The following CCDC33 variants were observed in gnomAD, a reference collection of about 807,000 sequenced individuals.
The protein encoded by CCDC33 is coiled-coil domain containing 33, also known as coiled-coil domain-containing protein 33.
Under a neutral mutation model 91.9 loss-of-function variants are expected in CCDC33, and 94 were observed. The ratio of observed to expected loss-of-function variants is 1.02; its 90% CI spans 0.87 to 1.21. CCDC33 has a LOEUF of 1.21. Ranked by LOEUF, CCDC33 falls within the 50% of genes most tolerant of loss-of-function variation. The pLI is 0.00. For synonymous variants in CCDC33, 396 were observed against 374.5 expected (o/e 1.06, Z -0.66); for missense variants, 940 against 935.5 (o/e 1.00, Z -0.06).
intron 10 of CCDC33, among the ~76,000 whole-genome samples, chr15:74,286,880 A>C (rs2059485655): frequency 6.6e-6 from 1 of 152,106 alleles, no homozygotes; most frequent in Admixed American, 6.5e-5. Context: ...GGCAGGTGCC[A>C]TGGTCCCATC....
intron 2 of CCDC33, among the ~76,000 whole-genome samples, chr15:74,256,513 C>T (rs2075870089): frequency 6.6e-6 from 1 of 152,100 alleles, no homozygotes; most frequent in South Asian, 2.1e-4. Context: ...TCATCCAGGC[C>T]CACACCTTCC....
intron 1 of CCDC33, chr15:74,208,103 G>A: frequency 8.7e-7 from 1 of 1,154,226 alleles, no homozygotes; most frequent in Non-Finnish European, 1.1e-6. Context: ...CACTGGTGAG[G>A]AGGAGGAGGG....
In CCDC33 at chr15:74,273,108, T is replaced by C. The variant is rs538678359; in HGVS notation, c.759+217T>C. 7.9e-5 allele frequency among the ~76,000 whole-genome samples: 12 copies of C among 152,368 alleles called. No individual in the cohort carries two copies. The South Asian group carries it at 2.1e-3, about 26-fold the overall frequency. Reference sequence around the variant, plus strand: ...ATGGGAGTCACGTGGGTGAAAAAGTTGAACATCAACACAAGATAATGTATA... The same window carrying C: ...ATGGGAGTCACGTGGGTGAAAAAGTCGAACATCAACACAAGATAATGTATA... On this transcript the variant is annotated intron_variant, in intron 7 of 18. Coordinates refer to ENST00000398814, the MANE Select transcript of CCDC33 (RefSeq NM_025055.5).
intron 1 of CCDC33, among the ~76,000 whole-genome samples, chr15:74,241,049 C>T (rs752055949): frequency 6.6e-6 from 1 of 152,206 alleles, no homozygotes; most frequent in South Asian, 2.1e-4. Flanking sequence ...CAGGGAACAG[C>T]ACTCTGGCTG....
intron 8 of CCDC33, among the ~76,000 whole-genome samples, chr15:74,280,335 G>C (rs1361909397): frequency 1.3e-5 from 2 of 152,188 alleles, no homozygotes; most frequent in East Asian, 3.9e-4. Context: ...CATCAGTGAT[G>C]GGGGAGGGCT....
intron 5 of CCDC33, 107 bp from the exon 6 acceptor site, chr15:74,271,596 C>T: frequency 1.3e-6 from 1 of 748,968 alleles, no homozygotes; most frequent in Admixed American, 2.1e-5. Flanking sequence ...TGGAGGCAGC[C>T]ATGAGCTCAC....
chr15:74,281,960 C>A, intron 10 of CCDC33, 111 bp downstream of exon 10: 1 of 888,298 alleles, frequency 1.1e-6, no homozygotes, highest in South Asian at 1.5e-5. Context: ...GATGGGACTA[C>A]TACTTTGGAT....
At chr15:74,217,979 G>A (rs938102649) in intron 1 of CCDC33, among the ~76,000 whole-genome samples, 8 of 151,994 alleles carry the variant, frequency 5.3e-5, no homozygotes, top group African/African-American at 1.7e-4. Flanking sequence ...ATGTTGGGGT[G>A]GACAGAAATG....
At position 74,210,824 on chromosome 15, in the gene CCDC33, G is replaced by A. The variant is rs183548050; in HGVS notation, n.236+1290G>A. ...AAAGAGTGTTGAGCACAATTCCCAG[G>A]TTGTGTTCTCAAAAAGAGAGGTGTT... is the stretch of plus-strand genomic sequence containing the variant. On this transcript the variant is annotated intron_variant and non_coding_transcript_variant, in intron 2 of 3. Coordinates refer to the CCDC33 transcript ENST00000558645. Among the ~76,000 whole-genome samples, 5 of 152,232 alleles carry A rather than the reference G, an allele frequency of 3.3e-5. No individual in the cohort carries two copies. The East Asian group carries it at 7.7e-4, about 23-fold the overall frequency.
At chr15:74,269,784 G>A (rs1348017231) in intron 5 of CCDC33, among the ~76,000 whole-genome samples, 1 of 152,098 alleles carries the variant, frequency 6.6e-6, no homozygotes. Context: ...CCATCCGTGC[G>A]ACAGGTATGG....
In CCDC33 at chr15:74,263,338, A is replaced by G. The variant is rs140505423; in HGVS notation, c.319+765A>G. ...CTGGAGGTGCCTGGCGATGTCTCTG[A>G]TCTTATCTAGTCAGGACCTCAGACT... On this transcript the variant is annotated intron_variant, in intron 3 of 18. Coordinates refer to ENST00000398814, the MANE Select transcript of CCDC33 (RefSeq NM_025055.5). 3.9e-5 allele frequency among the ~76,000 whole-genome samples: 6 copies of G among 152,230 alleles called. No individual in the cohort carries two copies. In the East Asian group the frequency reaches 1.2e-3, roughly 29 times the overall value.
chr15:74,288,157 C>T (rs1226110838), intron 10 of CCDC33, among the ~76,000 whole-genome samples: 7 of 152,200 alleles, frequency 4.6e-5, no homozygotes, highest in Admixed American at 4.6e-4. Context: ...GATGCCCTCT[C>T]CATCCTCTAC....
intron 2 of CCDC33, among the ~76,000 whole-genome samples, chr15:74,254,893 G>A (rs867172412): frequency 8.5e-5 from 13 of 152,090 alleles, no homozygotes; most frequent in South Asian, 4.2e-4. Context: ...GATTACAGGC[G>A]TGTGCCAACA....
At chr15:74,249,064 C>A (rs910201145) in intron 2 of CCDC33, among the ~76,000 whole-genome samples, 4 of 152,122 alleles carry the variant, frequency 2.6e-5, no homozygotes, top group African/African-American at 9.7e-5. Flanking sequence ...TTGTCGGCAG[C>A]CCCCCACCCT....
intron 11 of CCDC33, among the ~76,000 whole-genome samples, chr15:74,324,275 A>G (rs1224904241): frequency 1.3e-5 from 2 of 151,860 alleles, no homozygotes; most frequent in African/African-American, 4.8e-5. Context: ...ACCTTGATGT[A>G]TGTGAGGTTC....
intron 2 of CCDC33, among the ~76,000 whole-genome samples, chr15:74,222,534 CT>C (rs57322793): frequency 0.67 from 97,107 of 143,888 alleles, 33,530 homozygotes; most frequent in Middle Eastern, 0.88. Flanking sequence ...TTTTTCTTTT[CT>C]TTTTTTTTTT....
intron 1 of CCDC33, among the ~76,000 whole-genome samples, chr15:74,207,080 G>C (rs1400830362): frequency 1.3e-5 from 2 of 152,222 alleles, no homozygotes; most frequent in Non-Finnish European, 2.9e-5. Flanking sequence ...TTGGGACAGG[G>C]CTTCCTTCCT....
rs771908027 is a variant in CCDC33 at position 74,330,195 on chromosome 15, A to G, written c.1297A>G (p.Asn433Asp). 6.9e-6 allele frequency: 11 copies of G among 1,604,384 alleles called. No individual in the cohort carries two copies. Among genetic ancestry groups the G allele is most frequent in the Non-Finnish European group, 8.5e-6 (10 of 1,174,306 alleles). The change falls in exon 12 of 19, where the codon AAC becomes GAC. Residue 433 changes from asparagine (N) to aspartate (D), a missense_variant. Asn to Asp is a conservative substitution (Grantham distance 23, BLOSUM62 1). Transcript: ENST00000398814. ...VPEMSHDTEM[N>D]NYRRAMQKMA... Reference sequence around the variant, plus strand: ...TGGGCTCTGGGATCCACAGGAGATGAACAACTACCGGCGGGCCATGCAGAA... The same window carrying G: ...TGGGCTCTGGGATCCACAGGAGATGGACAACTACCGGCGGGCCATGCAGAA...
chr15:74,305,852 T>A (rs351185), intron 11 of CCDC33, among the ~76,000 whole-genome samples: 146,941 of 152,150 alleles, frequency 0.97, 71,152 homozygotes, highest in East Asian at 1. Flanking sequence ...CATTTCCACC[T>A]CCCAAGAGCT....
Sources: allele counts gnomAD v4.1 joint callset (sites outside exome capture counted in the v4.1 genomes callset), GRCh38; gene constraint gnomAD v4.1.1; transcripts MANE v1.5; gene names NCBI Gene and HGNC (gene_info 2026-07-23, HGNC 2026-07-21).